Variants in CADM2 observed in about 807,000 individuals in gnomAD.
The protein encoded by CADM2 is cell adhesion molecule 2.
In CADM2, 12 loss-of-function variants were observed where a neutral mutation model predicts 49.8. The observed-to-expected ratio is 0.24, with a 90% CI of 0.15 to 0.39. CADM2 has a LOEUF of 0.39. CADM2 is among the 10% of genes least tolerant of loss of function. CADM2 has a pLI of 1.00. For synonymous variants in CADM2, 214 were observed against 175.4 expected (o/e 1.22, Z -1.74); for missense variants, 378 against 492.3 (o/e 0.77, Z 2.20).
chr3:85,654,635 C>A (rs2065143041), intron 1 of CADM2, among the ~76,000 whole-genome samples: 1 of 152,140 alleles, frequency 6.6e-6, no homozygotes, highest in African/African-American at 2.4e-5. Flanking sequence ...TAGAAAAATT[C>A]TGTATAGGAG....
At position 85,451,375 on chromosome 3, in the gene CADM2, G is replaced by GAATATATTTA. The variant is rs1374800347; in HGVS notation, c.62-275143_62-275134dup. On this transcript the variant is annotated intron_variant, in intron 1 of 9. Transcript: ENST00000383699. Reference sequence around the variant, plus strand: ...TTAATAATAATTGTTTTAGGAAAAGGAATATATTTAAATGACCTTTTCGTA... The same window carrying GAATATATTTA: ...TTAATAATAATTGTTTTAGGAAAAGGAATATATTTAAATATATTTAAATGACCTTTTCGTA... Among the ~76,000 whole-genome samples the GAATATATTTA allele has an allele frequency of 8.5e-5, 13 of 152,156 alleles. 1 individual carries two copies. Among genetic ancestry groups the GAATATATTTA allele is most frequent in the Admixed American group, 8.5e-4 (13 of 15,276 alleles).
chr3:85,926,263 G>A (rs918872754), intron 6 of CADM2, among the ~76,000 whole-genome samples: 4 of 151,882 alleles, frequency 2.6e-5, no homozygotes, highest in African/African-American at 9.7e-5. Flanking sequence ...TTGTTTTTTT[G>A]GGGGCTGGTG....
At chr3:85,523,369 T>C (rs558288801) in intron 1 of CADM2, among the ~76,000 whole-genome samples, 70 of 152,258 alleles carry the variant, frequency 4.6e-4, no homozygotes, top group African/African-American at 1.6e-3. Flanking sequence ...ATAAATGAAT[T>C]ATGCATCTCT....
intron 1 of CADM2, among the ~76,000 whole-genome samples, chr3:85,210,700 C>T (rs2041757821): frequency 6.6e-6 from 1 of 152,004 alleles, no homozygotes; most frequent in Non-Finnish European, 1.5e-5. Flanking sequence ...GCCACCAAGC[C>T]CGGCTAATTA....
At chr3:85,314,178 G>A (rs1379645657) in intron 1 of CADM2, among the ~76,000 whole-genome samples, 11 of 152,218 alleles carry the variant, frequency 7.2e-5, no homozygotes, top group Admixed American at 2.0e-4. Context: ...GTGAGCCACC[G>A]CGCCCTGCCT....
At chr3:85,576,248 G>A (rs1023203138) in intron 1 of CADM2, among the ~76,000 whole-genome samples, 2 of 152,102 alleles carry the variant, frequency 1.3e-5, no homozygotes, top group Non-Finnish European at 2.9e-5. Context: ...CAGTTGCCTT[G>A]CCTGAAAGAG....
chr3:85,731,570 G>A (rs922431195), intron 2 of CADM2, among the ~76,000 whole-genome samples: 2 of 151,980 alleles, frequency 1.3e-5, no homozygotes, highest in African/African-American at 2.4e-5. Context: ...AAAACATGTA[G>A]TCCTAGGTAA....
At chr3:85,374,632 G>A (rs2033477736) in intron 1 of CADM2, among the ~76,000 whole-genome samples, 1 of 152,170 alleles carries the variant, frequency 6.6e-6, no homozygotes, top group African/African-American at 2.4e-5. Flanking sequence ...AGTAAAAGAG[G>A]TTTAATGGAC....
At chr3:85,624,708 A>G (rs2064074670) in intron 1 of CADM2, among the ~76,000 whole-genome samples, 1 of 152,308 alleles carries the variant, frequency 6.6e-6, no homozygotes, top group East Asian at 1.9e-4. Context: ...TAGAAGGTGT[A>G]GTCTCCTACT....
chr3:85,352,171 C>G (rs191474372), intron 1 of CADM2, among the ~76,000 whole-genome samples: 1 of 152,016 alleles, frequency 6.6e-6, no homozygotes, highest in Non-Finnish European at 1.5e-5. Context: ...AATTAAAGCA[C>G]TATAGTTCAT....
intron 1 of CADM2, among the ~76,000 whole-genome samples, chr3:85,336,321 G>T (rs1212410172): frequency 1.3e-5 from 2 of 151,382 alleles, no homozygotes; most frequent in Non-Finnish European, 3.0e-5. Flanking sequence ...ATGAACAAAA[G>T]CTTTAATAAT....
chr3:85,999,621 A>AAGAAAGAAGG (rs1323691390), intron 8 of CADM2, among the ~76,000 whole-genome samples: 3 of 151,352 alleles, frequency 2.0e-5, no homozygotes, highest in African/African-American at 7.3e-5. Flanking sequence ...GAGAAAGAGA[A>AAGAAAGAAGG]AGAAAGAAGG....
At chr3:85,663,019 A>G (rs574239454) in intron 1 of CADM2, among the ~76,000 whole-genome samples, 1 of 152,116 alleles carries the variant, frequency 6.6e-6, no homozygotes, top group East Asian at 1.9e-4. Flanking sequence ...TTTCGTAACT[A>G]GATATTTGGT....
intron 1 of CADM2, among the ~76,000 whole-genome samples, chr3:85,660,068 C>A (rs1559576286): frequency 6.6e-6 from 1 of 152,080 alleles, no homozygotes; most frequent in East Asian, 1.9e-4. Context: ...GGTTTAGATA[C>A]CTGCTCATTG....
At chr3:85,779,582 G>A (rs1322141853) in intron 2 of CADM2, among the ~76,000 whole-genome samples, 2 of 152,110 alleles carry the variant, frequency 1.3e-5, no homozygotes, top group African/African-American at 2.4e-5. Flanking sequence ...CAGATCTTGT[G>A]AGAACTCACT....
intron 1 of CADM2, among the ~76,000 whole-genome samples, chr3:85,277,740 G>A (rs893637543): frequency 1.3e-5 from 2 of 151,268 alleles, no homozygotes; most frequent in Non-Finnish European, 3.0e-5. Flanking sequence ...GGCTATTTAA[G>A]TGATCAAATT....
chr3:85,749,251 A>G (rs2068759991), intron 2 of CADM2, among the ~76,000 whole-genome samples: 1 of 151,810 alleles, frequency 6.6e-6, no homozygotes, highest in Admixed American at 6.6e-5. Flanking sequence ...GTTACTAATT[A>G]CTAATTACTT....
At chr3:84,994,690 A>G (rs1272224643) in intron 1 of CADM2, among the ~76,000 whole-genome samples, 2 of 152,148 alleles carry the variant, frequency 1.3e-5, no homozygotes, top group African/African-American at 4.8e-5. Context: ...TAAAAAGTTT[A>G]TTATATTTTT....
chr3:85,794,657 G>A (rs911221068), intron 2 of CADM2, among the ~76,000 whole-genome samples: 1 of 152,034 alleles, frequency 6.6e-6, no homozygotes, highest in Non-Finnish European at 1.5e-5. Flanking sequence ...GGATGGTGGT[G>A]AGCTTAGCCA....
Sources: gnomAD v4.1 joint callset for allele counts (sites outside exome capture counted in the v4.1 genomes callset) on GRCh38, gnomAD v4.1.1 for gene constraint, MANE v1.5 for transcripts, NCBI Gene and HGNC (gene_info 2026-07-23, HGNC 2026-07-21) for gene names.